Variants in TRAPPC6B observed in about 807,000 individuals in gnomAD.
TRAPPC6B encodes the protein trafficking protein particle complex subunit 6B.
A neutral mutation model predicts 24.7 loss-of-function variants in TRAPPC6B; 27 were observed. The observed-to-expected ratio is 1.09, with a 90% CI of 0.81 to 1.51. The LOEUF (loss-of-function observed/expected upper bound fraction) is 1.51, where lower values mean the gene tolerates loss of function less well. Ranked by LOEUF, TRAPPC6B falls within the 40% of genes most tolerant of loss-of-function variation. The pLI is 0.00. For synonymous variants in TRAPPC6B, 80 were observed against 66.6 expected (o/e 1.20, Z -0.98); for missense variants, 212 against 190.8 (o/e 1.11, Z -0.66).
chr14:39,167,481 T>C (rs923417241), intron 1 of TRAPPC6B, among the ~76,000 whole-genome samples: 1 of 152,162 alleles, frequency 6.6e-6, no homozygotes, highest in Non-Finnish European at 1.5e-5. Flanking sequence ...ATAAACAACA[T>C]AGTTTTTACA....
chr14:39,169,854 C>A (rs1594548763), intron 1 of TRAPPC6B, among the ~76,000 whole-genome samples, 161 bp downstream of exon 1: 1 of 152,158 alleles, frequency 6.6e-6, no homozygotes, highest in Admixed American at 6.5e-5. Flanking sequence ...TCAAAGGAGA[C>A]AACTGACAGG....
At chr14:39,151,005 T>C (rs978698333) in intron 5 of TRAPPC6B, among the ~76,000 whole-genome samples, 1 of 152,198 alleles carries the variant, frequency 6.6e-6, no homozygotes, top group African/African-American at 2.4e-5. Context: ...GTAGCTCTGG[T>C]GAAAAGATCT....
intron 5 of TRAPPC6B, among the ~76,000 whole-genome samples, chr14:39,150,588 G>C (rs1377613913): frequency 3.9e-5 from 6 of 151,902 alleles, no homozygotes; most frequent in African/African-American, 1.5e-4. Flanking sequence ...GCCCAGGCTG[G>C]AGTGCAGTGG....
Position 39,148,153 on chromosome 14 carries a change from G to A in TRAPPC6B, c.*2197C>T, listed in dbSNP as rs927942184. 3 of 152,352 alleles carry A rather than the reference G, an allele frequency of 2.0e-5. No homozygotes were observed. The highest frequency in any genetic ancestry group is 6.6e-5 in the Admixed American group (1 of 15,266). 9.4% of individuals were successfully genotyped at this position (152,352 alleles called of 1,614,324 possible). ...TTCATCTCCATACTTGTCCTTTCAT[G>A]GCCATCAGAAGGCTGTTGCAGATTA... is the stretch of plus-strand genomic sequence containing the variant. On this transcript the variant is annotated 3_prime_UTR_variant, in exon 6 of 6. Transcript: ENST00000330149.
intron 3 of TRAPPC6B, among the ~76,000 whole-genome samples, chr14:39,156,455 G>A (rs1028300545): frequency 1.3e-5 from 2 of 152,190 alleles, no homozygotes; most frequent in African/African-American, 4.8e-5. Flanking sequence ...GAAGCTGGGA[G>A]TGGTGGTGCA....
rs532124605 is a variant in TRAPPC6B, at chr14:39,167,708, T to A, written c.81+2307A>T. Among the ~76,000 whole-genome samples, 6 of 150,478 alleles carry A rather than the reference T, an allele frequency of 4.0e-5. No individual in the cohort carries two copies. The South Asian group carries it at 8.3e-4, about 21-fold the overall frequency. ...TTTTGCTTATTATGTACTTTCAATT[T>A]TCCCCCCCATCATAAATACACTGCA... On this transcript the variant is annotated intron_variant, in intron 1 of 5. Coordinates refer to ENST00000330149, the MANE Select transcript of TRAPPC6B (RefSeq NM_001079537.2).
In TRAPPC6B at chr14:39,149,121, T is replaced by TA. The variant is rs1163264273; in HGVS notation, c.*1228dup. The TA allele has an allele frequency of 5.3e-6, 1 of 188,430 alleles. No individual in the cohort carries two copies. The highest frequency in any genetic ancestry group is 1.1e-5 in the Non-Finnish European group (1 of 92,566). 11.7% of individuals were successfully genotyped at this position (188,430 alleles called of 1,614,324 possible). On this transcript the variant is annotated 3_prime_UTR_variant, in exon 6 of 6. Coordinates refer to ENST00000330149, the MANE Select transcript of TRAPPC6B (RefSeq NM_001079537.2). ...CAAGTTAAACAAATTATCTTTGTAATACTGTACCCTTCCATGAAAGGAAAA... is the reference window on the plus strand; with the variant it reads ...CAAGTTAAACAAATTATCTTTGTAATAACTGTACCCTTCCATGAAAGGAAAA...
chr14:39,157,597 C>T, intron 3 of TRAPPC6B: 1 of 372,130 alleles, frequency 2.7e-6, no homozygotes, highest in Non-Finnish European at 5.2e-6. Context: ...AATGGGGGTC[C>T]CTTACCGCAT....
chr14:39,156,271 G>A (rs1594536897), intron 3 of TRAPPC6B, among the ~76,000 whole-genome samples: 1 of 152,152 alleles, frequency 6.6e-6, no homozygotes, highest in Non-Finnish European at 1.5e-5. Flanking sequence ...GATCCATTGA[G>A]CCCAAGAGTT....
intron 1 of TRAPPC6B, among the ~76,000 whole-genome samples, chr14:39,167,244 C>A (rs2053118152): frequency 6.6e-6 from 1 of 152,156 alleles, no homozygotes; most frequent in Non-Finnish European, 1.5e-5. Context: ...CCCAATTAGT[C>A]CATTTTAAGA....
intron 2 of TRAPPC6B, 69 bp from the exon 3 acceptor site, chr14:39,158,471 CTA>C: frequency 1.1e-6 from 1 of 889,300 alleles, no homozygotes; most frequent in Non-Finnish European, 1.8e-6. Flanking sequence ...TAATTATTAA[CTA>C]ATTTCCAAAT....
At chr14:39,166,514 G>A (rs1236909067) in intron 1 of TRAPPC6B, among the ~76,000 whole-genome samples, 2 of 152,074 alleles carry the variant, frequency 1.3e-5, no homozygotes, top group South Asian at 2.1e-4. Context: ...GCTAACTTTG[G>A]GAGAAATTTA....
intron 1 of TRAPPC6B, among the ~76,000 whole-genome samples, chr14:39,162,424 T>C (rs1417605109): frequency 6.6e-6 from 1 of 152,186 alleles, no homozygotes; most frequent in East Asian, 1.9e-4. Context: ...CCCAAAGCTG[T>C]GGGACTACAG....
chr14:39,162,749 T>C (rs1268372716), intron 1 of TRAPPC6B, among the ~76,000 whole-genome samples: 7 of 152,206 alleles, frequency 4.6e-5, no homozygotes, highest in Admixed American at 2.6e-4. Flanking sequence ...TGCTCTTTCT[T>C]TGACAATCTC....
At position 39,170,204 on chromosome 14, in the gene TRAPPC6B, C is replaced by T; in HGVS notation, c.-109G>A. The stretch of plus-strand genomic sequence containing the variant: ...CCGGCGCCGCGGCTCCGTCAGGCCG[C>T]CATTCTATCCCTGTGGCTAAGAGAC... On this transcript the variant is annotated 5_prime_UTR_variant, in exon 1 of 6. Coordinates refer to ENST00000330149, the MANE Select transcript of TRAPPC6B (RefSeq NM_001079537.2). The T allele has an allele frequency of 4.1e-6, 4 of 987,182 alleles. No individual in the cohort carries two copies. The highest frequency in any genetic ancestry group is 2.2e-5 in the Admixed American group (1 of 45,580). 61.2% of individuals were successfully genotyped at this position (987,182 alleles called of 1,614,324 possible). A position where few individuals can be genotyped will look rare whatever the true frequency, so the allele number is the denominator to read the frequency against.
chr14:39,155,798 A>G (rs1474979654), intron 3 of TRAPPC6B, among the ~76,000 whole-genome samples: 1 of 152,048 alleles, frequency 6.6e-6, no homozygotes, highest in Non-Finnish European at 1.5e-5. Flanking sequence ...CGGCCTCCCA[A>G]AGTGCTGGGA....
Position 39,151,981 on chromosome 14 carries a change from A to G in TRAPPC6B, c.352-142T>C, listed in dbSNP as rs936262559. 34 of 609,962 alleles carry G rather than the reference A, an allele frequency of 5.6e-5. No individual in the cohort carries two copies. The African/African-American group carries it at 6.2e-4, about 11-fold the overall frequency. The allele number at this position is 609,962 out of a possible 1,614,324, so 37.8% of individuals were successfully genotyped here. On this transcript the variant is annotated intron_variant, in intron 4 of 5. Transcript: ENST00000330149. ...TTTTGAAGAACTGTTCAAATTACTG[A>G]AAAATATTGATATATTTCCCAGCTC...
intron 1 of TRAPPC6B, among the ~76,000 whole-genome samples, chr14:39,160,030 G>A (rs2053037060): frequency 6.6e-6 from 1 of 152,084 alleles, no homozygotes; most frequent in Admixed American, 6.6e-5. Context: ...AATACAAAAT[G>A]TTGGCCATGC....
At chr14:39,151,951 A>G in intron 4 of TRAPPC6B, 112 bp from the exon 5 acceptor site, 2 of 718,984 alleles carry the variant, frequency 2.8e-6, no homozygotes, top group Non-Finnish European at 4.5e-6. Context: ...TGTTTAAAAA[A>G]AGGATTTTGA....
Sources: gnomAD v4.1 joint callset for allele counts (sites outside exome capture counted in the v4.1 genomes callset) on GRCh38, gnomAD v4.1.1 for gene constraint, MANE v1.5 for transcripts, NCBI Gene and HGNC (gene_info 2026-07-23, HGNC 2026-07-21) for gene names.